The following SCFD2 variants were observed in gnomAD, a reference collection of about 807,000 sequenced individuals.
SCFD2 encodes sec1 family domain-containing protein 2.
In SCFD2, 54 loss-of-function variants were observed where a neutral mutation model predicts 58.9. The observed-to-expected ratio is 0.92, with a 90% CI of 0.74 to 1.15. The LOEUF is 1.15. Among genes scored for constraint, SCFD2 ranks in the 50% most tolerant of loss-of-function variants. SCFD2 has a pLI of 0.00. For missense variants in SCFD2, 805 were observed against 836.6 expected, an observed-to-expected ratio of 0.96 and a Z score of 0.47; for synonymous variants, 321 against 335.9, an observed-to-expected ratio of 0.96 and a Z score of 0.49.
At chr4:52,901,370 C>G (rs1719194336) in intron 7 of SCFD2, among the ~76,000 whole-genome samples, 1 of 152,172 alleles carries the variant, frequency 6.6e-6, no homozygotes, top group Non-Finnish European at 1.5e-5. Flanking sequence ...ATGGCCCTGA[C>G]AAATAGAGCA....
chr4:53,181,612 CT>C, intron 4 of SCFD2, among the ~76,000 whole-genome samples: 1 of 152,280 alleles, frequency 6.6e-6, no homozygotes, highest in African/African-American at 2.4e-5. Context: ...GAGATGCCCT[CT>C]CTCACCACTC....
intron 3 of SCFD2, among the ~76,000 whole-genome samples, chr4:53,282,158 G>T (rs1179442002): frequency 6.6e-6 from 1 of 152,150 alleles, no homozygotes; most frequent in Non-Finnish European, 1.5e-5. Context: ...GGTTTGTTAT[G>T]AGGTTAATTC....
chr4:53,319,381 T>C (rs1210389951), intron 2 of SCFD2, among the ~76,000 whole-genome samples: 2 of 152,240 alleles, frequency 1.3e-5, no homozygotes, highest in Admixed American at 1.3e-4. Context: ...AAGACTTTGA[T>C]GAATTTTTAA....
chr4:53,357,640 C>T (rs970653360), intron 1 of SCFD2, among the ~76,000 whole-genome samples: 3 of 152,088 alleles, frequency 2.0e-5, no homozygotes, highest in African/African-American at 4.8e-5. Context: ...CCAACTGTGT[C>T]TCATACCTAT....
At chr4:53,246,803 T>C (rs934184787) in intron 4 of SCFD2, among the ~76,000 whole-genome samples, 1 of 152,020 alleles carries the variant, frequency 6.6e-6, no homozygotes, top group African/African-American at 2.4e-5. Context: ...GACTTCATGA[T>C]GAAGTTGCCA....
At chr4:53,010,270 A>G (rs1722065952) in intron 5 of SCFD2, among the ~76,000 whole-genome samples, 1 of 152,194 alleles carries the variant, frequency 6.6e-6, no homozygotes, top group African/African-American at 2.4e-5. Flanking sequence ...ATTACTCTAC[A>G]TTTACAGGTA....
At chr4:52,971,866 A>G (rs1019739993) in intron 5 of SCFD2, among the ~76,000 whole-genome samples, 4 of 152,230 alleles carry the variant, frequency 2.6e-5, no homozygotes, top group African/African-American at 9.6e-5. Context: ...AATATTCAAC[A>G]TTCTTAAAGA....
At chr4:53,144,191 A>C (rs1486784418) in intron 5 of SCFD2, among the ~76,000 whole-genome samples, 3 of 151,970 alleles carry the variant, frequency 2.0e-5, no homozygotes, top group African/African-American at 7.3e-5. Context: ...TGACAGTTGT[A>C]ATCTCAGCAC....
At chr4:53,146,020 T>C (rs1362951755) in intron 4 of SCFD2, among the ~76,000 whole-genome samples, 3 of 152,220 alleles carry the variant, frequency 2.0e-5, no homozygotes, top group Non-Finnish European at 4.4e-5. Flanking sequence ...TCCAGCATAT[T>C]CTTTATAATA....
At chr4:53,129,417 T>G (rs10031065) in intron 5 of SCFD2, among the ~76,000 whole-genome samples, 5,837 of 152,294 alleles carry the variant, frequency 0.038, 243 homozygotes, top group African/African-American at 0.1. Context: ...TATATTATTG[T>G]TTACATTTAA....
At position 53,238,218 on chromosome 4, in the gene SCFD2, C is replaced by T. The variant is rs1177722964; in HGVS notation, c.1311+35608G>A. 3.8e-5 allele frequency among the ~76,000 whole-genome samples: 5 copies of T among 131,750 alleles called. No individual in the cohort carries two copies. In the East Asian group the frequency reaches 7.5e-4, roughly 20 times the overall value. 86.4% of individuals were successfully genotyped at this position (131,750 alleles called of 152,430 possible). ...CTCCCTCCCGGACGGGGCGGCTGGCCGGGCAGAGGGGCTCCTCACTTCCCA... is the reference window on the plus strand; with the variant it reads ...CTCCCTCCCGGACGGGGCGGCTGGCTGGGCAGAGGGGCTCCTCACTTCCCA... On this transcript the variant is annotated intron_variant, in intron 4 of 8. Coordinates refer to ENST00000401642, the MANE Select transcript of SCFD2 (RefSeq NM_152540.4).
At chr4:53,005,896 G>T (rs1326855434) in intron 5 of SCFD2, among the ~76,000 whole-genome samples, 1 of 152,054 alleles carries the variant, frequency 6.6e-6, no homozygotes, top group African/African-American at 2.4e-5. Flanking sequence ...TGTACTAACT[G>T]GAGAACTTGC....
intron 4 of SCFD2, among the ~76,000 whole-genome samples, chr4:53,205,930 AT>A (rs1728393372): frequency 6.6e-6 from 1 of 152,106 alleles, no homozygotes; most frequent in Non-Finnish European, 1.5e-5. Context: ...AAAAAACACA[AT>A]TATCAACTCA....
intron 2 of SCFD2, among the ~76,000 whole-genome samples, chr4:53,352,299 T>C (rs1237252347): frequency 6.6e-6 from 1 of 152,248 alleles, no homozygotes; most frequent in Non-Finnish European, 1.5e-5. Flanking sequence ...CTCAATTCCA[T>C]GTGAAACTAT....
rs532940173 is a variant in SCFD2, at chr4:53,092,966, G to A, written c.1561+52367C>T. Among the ~76,000 whole-genome samples, 22 of 152,238 alleles carry A rather than the reference G, an allele frequency of 1.4e-4. No homozygotes were observed. In the South Asian group the frequency reaches 3.5e-3, roughly 24 times the overall value. ...AGGCTGCTCTGAAGGAGGTACAAGAGTGAGTCACGTGGATATTCGAAGCAG... is the reference window on the plus strand; with the variant it reads ...AGGCTGCTCTGAAGGAGGTACAAGAATGAGTCACGTGGATATTCGAAGCAG... On this transcript the variant is annotated intron_variant, in intron 5 of 8. Transcript: ENST00000401642.
chr4:53,313,603 C>A, intron 3 of SCFD2, 33 bp downstream of exon 3: 1 of 1,613,056 alleles, frequency 6.2e-7, no homozygotes, highest in South Asian at 1.1e-5. Flanking sequence ...TAAGCTTCCT[C>A]AGAGGCTGCC....
At chr4:53,072,833 C>T (rs544463891) in intron 5 of SCFD2, among the ~76,000 whole-genome samples, 1 of 129,974 alleles carries the variant, frequency 7.7e-6, no homozygotes, top group East Asian at 2.3e-4. Flanking sequence ...CACTCCTAAA[C>T]TCACTCCTTG....
intron 5 of SCFD2, among the ~76,000 whole-genome samples, chr4:53,104,667 T>G (rs570063947): frequency 6.6e-6 from 1 of 152,354 alleles, no homozygotes; most frequent in East Asian, 1.9e-4. Context: ...TGTATTAGCT[T>G]TGAATTATTC....
rs532275048 is a variant in SCFD2 at position 52,975,601 on chromosome 4, G to A, written c.1562-54731C>T. Among the ~76,000 whole-genome samples, 187 of 152,274 alleles carry A rather than the reference G, an allele frequency of 1.2e-3. 1 individual carries two copies. Among genetic ancestry groups the A allele is most frequent in the African/African-American group, 4.3e-3 (180 of 41,562 alleles). ...GACGGTAAACTAGTTCAACCATTGT[G>A]GAAGTCAGTGTGGCAATTCCTCAGG... On this transcript the variant is annotated intron_variant, in intron 5 of 8. Coordinates refer to ENST00000401642, the MANE Select transcript of SCFD2 (RefSeq NM_152540.4).
Sources: gnomAD v4.1 joint callset for allele counts (sites outside exome capture counted in the v4.1 genomes callset) on GRCh38, gnomAD v4.1.1 for gene constraint, MANE v1.5 for transcripts, NCBI Gene and HGNC (gene_info 2026-07-23, HGNC 2026-07-21) for gene names.